Variants in TOX observed in about 807,000 individuals in gnomAD.
TOX encodes the protein thymocyte selection-associated high mobility group box protein TOX.
Under a neutral mutation model 53.7 loss-of-function variants are expected in TOX, and 11 were observed. The observed-to-expected ratio is 0.20, with a 90% CI of 0.13 to 0.34. The LOEUF is 0.34. Ranked by LOEUF, TOX falls within the 10% of genes least tolerant of loss-of-function variation. The pLI, the probability that TOX is intolerant of heterozygous loss-of-function variation, is 1.00. For synonymous variants in TOX, 225 were observed against 245.3 expected (o/e 0.92, Z 0.77); for missense variants, 570 against 664.6 (o/e 0.86, Z 1.56).
In TOX at chr8:58,816,679, C is replaced by T. The variant is rs138103532; in HGVS notation, c.1006-955G>A. ...CTTTGTCAAAACAAGGTCTTGAGGA[C>T]GCATATATGCTTTTACTCTGCAATC... is the stretch of plus-strand genomic sequence containing the variant. On this transcript the variant is annotated intron_variant, in intron 6 of 8. Coordinates refer to ENST00000361421, the MANE Select transcript of TOX (RefSeq NM_014729.3). 3.5e-3 allele frequency among the ~76,000 whole-genome samples: 532 copies of T among 152,250 alleles called. 2 individuals carry two copies. Among genetic ancestry groups the T allele is most frequent in the African/African-American group, 0.012 (514 of 41,550 alleles).
intron 1 of TOX, among the ~76,000 whole-genome samples, chr8:59,063,898 ATGTGTGTGTGTGTGTTCG>A (rs1563434660): frequency 6.6e-6 from 1 of 151,302 alleles, no homozygotes; most frequent in East Asian, 1.9e-4. Flanking sequence ...TAAATCATGT[ATGTGTGTGTGTGTGTTCG>A]TGTGTGTGTG....
intron 3 of TOX, among the ~76,000 whole-genome samples, chr8:58,879,916 T>C (rs941119260): frequency 6.6e-6 from 1 of 152,236 alleles, no homozygotes; most frequent in Non-Finnish European, 1.5e-5. Context: ...CCATTTTTAA[T>C]ACTTTGCTTT....
At chr8:58,883,416 T>C (rs1197049513) in intron 3 of TOX, among the ~76,000 whole-genome samples, 1 of 152,240 alleles carries the variant, frequency 6.6e-6, no homozygotes, top group Non-Finnish European at 1.5e-5. Flanking sequence ...AAATTATACA[T>C]TCAAATCAAC....
At chr8:59,039,845 A>T (rs1419020508) in intron 1 of TOX, among the ~76,000 whole-genome samples, 1 of 152,076 alleles carries the variant, frequency 6.6e-6, no homozygotes, top group South Asian at 2.1e-4. Flanking sequence ...AATTTAAATA[A>T]TTTTTTTTAA....
chr8:58,815,688 G>T lies in TOX; in HGVS notation c.1042C>A (p.Pro348Thr). ...GGCTTCGAATTGATCAGCTGAGGAGGTTGAGATGTCTTCACGTCAACAGGT... is the reference window on the plus strand; with the variant it reads ...GGCTTCGAATTGATCAGCTGAGGAGTTTGAGATGTCTTCACGTCAACAGGT... Reference protein sequence around the residue: ...SEPVDVKTSQPPQLINSKPSV... With the variant: ...SEPVDVKTSQTPQLINSKPSV... The change falls in exon 7 of 9, where the codon CCT (proline) becomes ACT (threonine). Residue 348 changes from proline to threonine, a missense_variant. Transcript: ENST00000361421. 1 of 1,613,566 alleles carries T rather than the reference G, an allele frequency of 6.2e-7. No homozygotes were observed. Among genetic ancestry groups the T allele is most frequent in the Non-Finnish European group, 8.5e-7 (1 of 1,179,752 alleles).
At position 58,985,205 on chromosome 8, in the gene TOX, C is replaced by T. The variant is rs1265656251; in HGVS notation, c.103-25197G>A. On this transcript the variant is annotated intron_variant, in intron 1 of 8. Transcript: ENST00000361421. ...TATATCATACTCATGTCCATAGTGG[C>T]ATTATTCACAACAGCCAAAAGGTGG... is the stretch of plus-strand genomic sequence containing the variant. Among the ~76,000 whole-genome samples, 3 of 151,490 alleles carry T rather than the reference C, an allele frequency of 2.0e-5. No individual in the cohort carries two copies. In the South Asian group the frequency reaches 6.2e-4, roughly 32 times the overall value.
chr8:58,872,630 T>C (rs1275266349), intron 3 of TOX, among the ~76,000 whole-genome samples: 4 of 152,100 alleles, frequency 2.6e-5, no homozygotes, highest in African/African-American at 7.2e-5. Flanking sequence ...CAATAGTACA[T>C]TACCTAATGT....
chr8:58,940,020 C>A (rs544726834), intron 2 of TOX, among the ~76,000 whole-genome samples: 1 of 152,104 alleles, frequency 6.6e-6, no homozygotes, highest in East Asian at 1.9e-4. Context: ...TCACAATTGA[C>A]AAAAGAAAAT....
chr8:59,022,560 C>T (rs960182824), intron 1 of TOX, among the ~76,000 whole-genome samples: 1 of 152,120 alleles, frequency 6.6e-6, no homozygotes, highest in South Asian at 2.1e-4. Flanking sequence ...CACACTGCCT[C>T]GATACATGCA....
intron 1 of TOX, among the ~76,000 whole-genome samples, chr8:59,044,049 T>G (rs905526662): frequency 1.2e-4 from 19 of 152,182 alleles, no homozygotes; most frequent in Admixed American, 1.2e-3. Context: ...ATTCTCTGTA[T>G]ATAGCTATTT....
chr8:58,866,351 A>G lies in TOX; in HGVS notation c.412-14546T>C, dbSNP rs1302824787. Among the ~76,000 whole-genome samples the G allele has an allele frequency of 3.3e-5, 5 of 152,230 alleles. 1 individual carries two copies. In the East Asian group the frequency reaches 9.6e-4, roughly 29 times the overall value. Reference sequence around the variant, plus strand: ...GTCAGACTGCCAGACACTAAAAAGGATAAATTATTTTAGGATTTACATAAT... The same window carrying G: ...GTCAGACTGCCAGACACTAAAAAGGGTAAATTATTTTAGGATTTACATAAT... On this transcript the variant is annotated intron_variant, in intron 3 of 8. Transcript: ENST00000361421.
chr8:59,061,893 C>A (rs921364971), intron 1 of TOX, among the ~76,000 whole-genome samples: 3 of 152,196 alleles, frequency 2.0e-5, no homozygotes, highest in East Asian at 3.9e-4. Context: ...TGACGCCCCT[C>A]CATCTTCTTT....
chr8:58,869,388 T>C (rs1329247944), intron 3 of TOX, among the ~76,000 whole-genome samples: 1 of 152,150 alleles, frequency 6.6e-6, no homozygotes, highest in Non-Finnish European at 1.5e-5. Flanking sequence ...ACTTGCTAAA[T>C]AAATTGAATC....
chr8:58,807,652 C>G lies in TOX; in HGVS notation c.*95G>C. On this transcript the variant is annotated 3_prime_UTR_variant, in exon 9 of 9. Coordinates refer to ENST00000361421, the MANE Select transcript of TOX (RefSeq NM_014729.3). ...CTAAGTGCTTAGCAACTTGTATTTT[C>G]TAATAAAATGGAGAACTGCCTTGAC... The G allele has an allele frequency of 6.9e-7, 1 of 1,458,978 alleles. No individual in the cohort carries two copies. The highest frequency in any genetic ancestry group is 9.5e-7 in the Non-Finnish European group (1 of 1,050,294). The allele number at this position is 1,458,978 out of a possible 1,614,324, so 90.4% of individuals were successfully genotyped here.
chr8:59,094,238 AGAG>A (rs1804672743), intron 1 of TOX, among the ~76,000 whole-genome samples: 1 of 152,236 alleles, frequency 6.6e-6, no homozygotes, highest in Admixed American at 6.5e-5. Flanking sequence ...AAGTGGAACT[AGAG>A]GAGAAAGTAG....
chr8:59,106,606 G>A (rs1300723132), intron 1 of TOX, among the ~76,000 whole-genome samples: 7 of 151,852 alleles, frequency 4.6e-5, no homozygotes, highest in East Asian at 1.9e-4. Flanking sequence ...TTTTTGGCAC[G>A]GCTGACCTGC....
At chr8:58,995,049 T>C (rs1161198246) in intron 1 of TOX, among the ~76,000 whole-genome samples, 1 of 152,246 alleles carries the variant, frequency 6.6e-6, no homozygotes, top group African/African-American at 2.4e-5. Context: ...TCAGTGTCAA[T>C]GAACATGTCC....
intron 1 of TOX, among the ~76,000 whole-genome samples, chr8:58,968,568 C>T (rs1297493454): frequency 6.6e-6 from 1 of 152,172 alleles, no homozygotes; most frequent in Non-Finnish European, 1.5e-5. Flanking sequence ...ATCCTATCAG[C>T]TCTCACCTCA....
intron 3 of TOX, among the ~76,000 whole-genome samples, chr8:58,862,073 T>C (rs113553765): frequency 2.0e-5 from 3 of 152,288 alleles, no homozygotes; most frequent in African/African-American, 7.2e-5. Flanking sequence ...TATTTTATTA[T>C]GGAAATCATC....
Sources: allele counts gnomAD v4.1 joint callset (sites outside exome capture counted in the v4.1 genomes callset), GRCh38; gene constraint gnomAD v4.1.1; transcripts MANE v1.5; gene names NCBI Gene and HGNC (gene_info 2026-07-23, HGNC 2026-07-21).